GNPDA1: variants seen among roughly 807,000 people sequenced by gnomAD.
GNPDA1 encodes glucosamine-6-phosphate deaminase 1.
GNPDA1 carries 24 observed loss-of-function variants against 28.5 expected under a neutral mutation model. The ratio of observed to expected loss-of-function variants is 0.84; its 90% CI spans 0.61 to 1.19. The LOEUF (loss-of-function observed/expected upper bound fraction) is 1.19. GNPDA1 is among the 50% of genes most tolerant of loss of function. The pLI, the probability that GNPDA1 is intolerant of heterozygous loss-of-function variation, is 0.00. For missense variants in GNPDA1, 264 were observed against 367.3 expected, an observed-to-expected ratio of 0.72 and a Z score of 2.30; for synonymous variants, 147 against 139.3, an observed-to-expected ratio of 1.06 and a Z score of -0.39.
At chr5:142,007,668 G>C (rs1252883729) in intron 3 of GNPDA1, 131 bp downstream of exon 3, 1 of 667,148 alleles carries the variant, frequency 1.5e-6, no homozygotes, top group Non-Finnish European at 2.7e-6. Context: ...TAAACCAAGA[G>C]GTAAGTATTG....
chr5:142,002,788 CTTGT>C (rs767223489), intron 6 of GNPDA1, among the ~76,000 whole-genome samples: 2 of 152,034 alleles, frequency 1.3e-5, no homozygotes, highest in African/African-American at 2.4e-5. Flanking sequence ...AAAGGAATCG[CTTGT>C]TTAAGATTTG....
chr5:142,012,627 T>C (rs1301830264), intron 1 of GNPDA1: 1 of 314,912 alleles, frequency 3.2e-6, no homozygotes, highest in African/African-American at 2.2e-5. Context: ...GGGAGCTGTG[T>C]GCTCTCTCTG....
At chr5:142,009,725 A>G (rs1755897823) in intron 2 of GNPDA1, among the ~76,000 whole-genome samples, 1 of 152,126 alleles carries the variant, frequency 6.6e-6, no homozygotes, top group Non-Finnish European at 1.5e-5. Flanking sequence ...GAATTCTCTG[A>G]ACTTCCCAGT....
rs1755975256 is a variant in GNPDA1 at position 142,012,137 on chromosome 5, A to G, written c.-6-96T>C. On this transcript the variant is annotated intron_variant, in intron 1 of 6. Transcript: ENST00000311337. The stretch of plus-strand genomic sequence containing the variant: ...GGAGAAGCTTCTCTTACCCAGCAAC[A>G]ATCCCCTTCCCAAGCTGTCTGAGCC... 2.3e-6 allele frequency: 3 copies of G among 1,283,632 alleles called. No individual in the cohort carries two copies. In the South Asian group the frequency reaches 4.3e-5, roughly 18 times the overall value. The allele number at this position is 1,283,632 out of a possible 1,614,324, so 79.5% of individuals were successfully genotyped here.
intron 2 of GNPDA1, among the ~76,000 whole-genome samples, chr5:142,008,360 C>G (rs1755858928): frequency 6.6e-6 from 1 of 152,260 alleles, no homozygotes; most frequent in Non-Finnish European, 1.5e-5. Flanking sequence ...AAAGCACAGG[C>G]TCACCCAGTG....
intron 6 of GNPDA1, among the ~76,000 whole-genome samples, chr5:142,002,680 G>A (rs1755704504): frequency 6.6e-6 from 1 of 152,168 alleles, no homozygotes; most frequent in Non-Finnish European, 1.5e-5. Context: ...CTTAAGCCCG[G>A]GAGGTGGAGG....
chr5:142,005,022 C>G lies in GNPDA1; in HGVS notation c.504G>C (p.Leu168=). The change falls in exon 5 of 7, where the codon CTG becomes CTC. Residue 168 remains leucine, a synonymous_variant. Coordinates refer to ENST00000311337, the MANE Select transcript of GNPDA1 (RefSeq NM_005471.5). ...RVKTLAMDTI[L]ANARFFDGEL... ...CTCCATCGAAGAACCTAGCATTGGC[C>G]AGGATGGTATCCATGGCCAGCGTCT... 3 of 1,613,696 alleles carry G rather than the reference C, an allele frequency of 1.9e-6. No homozygotes were observed. Among genetic ancestry groups the G allele is most frequent in the Non-Finnish European group, 2.5e-6 (3 of 1,179,708 alleles).
chr5:142,009,248 C>T (rs1429910311), intron 2 of GNPDA1, among the ~76,000 whole-genome samples: 1 of 152,058 alleles, frequency 6.6e-6, no homozygotes, highest in African/African-American at 2.4e-5. Context: ...CATGTCACCC[C>T]TCTTTTCAAA....
At chr5:142,006,363 A>G in intron 3 of GNPDA1, 37 bp from the exon 4 acceptor site, 1 of 1,495,940 alleles carries the variant, frequency 6.7e-7, no homozygotes, top group East Asian at 2.3e-5. Flanking sequence ...TGCCTAGGCC[A>G]AGCCAAAGCC....
chr5:142,002,994 A>G (rs2127088287), intron 6 of GNPDA1, 94 bp downstream of exon 6: 5 of 994,770 alleles, frequency 5.0e-6, no homozygotes, highest in Non-Finnish European at 7.5e-6. Context: ...ACAGTTGTCA[A>G]TTAAAATGAC....
intron 2 of GNPDA1, among the ~76,000 whole-genome samples, chr5:142,009,228 G>C (rs574212434): frequency 1.3e-5 from 2 of 151,704 alleles, no homozygotes; most frequent in African/African-American, 4.8e-5. Context: ...AAAACCCATC[G>C]AGATTACGTC....
At chr5:142,008,234 T>A (rs1196829926) in intron 2 of GNPDA1, among the ~76,000 whole-genome samples, 1 of 152,204 alleles carries the variant, frequency 6.6e-6, no homozygotes. Context: ...GAACAAGTAA[T>A]ATGTGCAAGG....
intron 4 of GNPDA1, 105 bp from the exon 5 acceptor site, chr5:142,005,221 A>C (rs1755773387): frequency 8.2e-6 from 7 of 858,660 alleles, no homozygotes; most frequent in South Asian, 7.0e-5. Flanking sequence ...AAATCATTGA[A>C]AGCTGTGTCA....
chr5:142,001,945 G>C lies in GNPDA1; in HGVS notation c.*84C>G. On this transcript the variant is annotated 3_prime_UTR_variant, in exon 7 of 7. Coordinates refer to ENST00000311337, the MANE Select transcript of GNPDA1 (RefSeq NM_005471.5). Reference sequence around the variant, plus strand: ...TCTGGAGTAACCATACTAGATTAAAGAAATACAATTCTTTCTTCTAAAGAC... The same window carrying C: ...TCTGGAGTAACCATACTAGATTAAACAAATACAATTCTTTCTTCTAAAGAC... 1 of 723,676 alleles carries C rather than the reference G, an allele frequency of 1.4e-6. No homozygotes were observed. The highest frequency in any genetic ancestry group is 2.4e-6 in the Non-Finnish European group (1 of 420,086). The allele number at this position is 723,676 out of a possible 1,614,324, so 44.8% of individuals were successfully genotyped here.
At chr5:142,004,335 A>C (rs1596733832) in intron 5 of GNPDA1, among the ~76,000 whole-genome samples, 1 of 152,378 alleles carries the variant, frequency 6.6e-6, no homozygotes, top group Non-Finnish European at 1.5e-5. Flanking sequence ...TGTAAATCTA[A>C]CATGTCTATA....
rs1021935082 is a variant in GNPDA1 at position 142,000,944 on chromosome 5, C to G, written c.*1085G>C. 1 of 152,548 alleles carries G rather than the reference C, an allele frequency of 6.6e-6. No individual in the cohort carries two copies. The highest frequency in any genetic ancestry group is 1.5e-5 in the Non-Finnish European group (1 of 68,110). The allele number at this position is 152,548 out of a possible 1,614,324, so 9.4% of individuals were successfully genotyped here. On this transcript the variant is annotated 3_prime_UTR_variant, in exon 7 of 7. Coordinates refer to ENST00000311337, the MANE Select transcript of GNPDA1 (RefSeq NM_005471.5). ...AATGAAAGGAAGCCAGAGCAACAGA[C>G]CACCTTGGGATCCGGGGAGAAGGGT...
At position 142,003,869 on chromosome 5, in the gene GNPDA1, T is replaced by C. The variant is rs1281428973; in HGVS notation, c.595-607A>G. On this transcript the variant is annotated intron_variant, in intron 5 of 6. Transcript: ENST00000311337. This position sits in a 1 kb window ranked among gnomAD's most constrained non-coding sequence, Gnocchi z 4.0. Reference sequence around the variant, plus strand: ...CACTTAACAGTTAAAATATCGAGAATGTAAGTGATCTTAAAGAACTCAGCT... The same window carrying C: ...CACTTAACAGTTAAAATATCGAGAACGTAAGTGATCTTAAAGAACTCAGCT... Among the ~76,000 whole-genome samples the C allele has an allele frequency of 6.6e-6, 1 of 152,172 alleles. No homozygotes were observed. Among genetic ancestry groups the C allele is most frequent in the Admixed American group, 6.5e-5 (1 of 15,276 alleles).
intron 2 of GNPDA1, among the ~76,000 whole-genome samples, chr5:142,010,310 C>T (rs184846674): frequency 6.6e-6 from 1 of 152,284 alleles, no homozygotes; most frequent in Admixed American, 6.5e-5. Flanking sequence ...AGGTGCCCGC[C>T]ACCATGCCCA....
rs187189071 is a variant in GNPDA1, at chr5:142,001,218, C to T, written c.*811G>A. 13 of 152,346 alleles carry T rather than the reference C, an allele frequency of 8.5e-5. No homozygotes were observed. The highest frequency in any genetic ancestry group is 1.0e-4 in the Non-Finnish European group (7 of 68,012). The allele number at this position is 152,346 out of a possible 1,614,324, so 9.4% of individuals were successfully genotyped here. On this transcript the variant is annotated 3_prime_UTR_variant, in exon 7 of 7. Coordinates refer to ENST00000311337, the MANE Select transcript of GNPDA1 (RefSeq NM_005471.5). The stretch of plus-strand genomic sequence containing the variant: ...CTGAAATTGTGGCAGTGTCTGTTGC[C>T]CCAGTGGACCTCCCACTTACTAATG...
Sources: allele counts gnomAD v4.1 joint callset (sites outside exome capture counted in the v4.1 genomes callset), GRCh38; gene constraint gnomAD v4.1.1; non-coding constraint Gnocchi (gnomAD v3.1); transcripts MANE v1.5; gene names NCBI Gene and HGNC (gene_info 2026-07-23, HGNC 2026-07-21).